Variants in NCKAP5 observed in about 807,000 individuals in gnomAD.
The protein encoded by NCKAP5 is nck-associated protein 5.
A neutral mutation model predicts 167.0 loss-of-function variants in NCKAP5; 92 were observed. The ratio of observed to expected loss-of-function variants is 0.55; its 90% CI spans 0.47 to 0.66. The LOEUF is 0.66. NCKAP5 is among the 30% of genes least tolerant of loss of function. The pLI is 0.00. For missense variants in NCKAP5, 2,378 were observed against 2,315.0 expected (o/e 1.03, Z -0.56); for synonymous variants, 891 against 877.4 (o/e 1.02, Z -0.27).
At chr2:133,086,202 G>A (rs181084177) in intron 6 of NCKAP5, among the ~76,000 whole-genome samples, 25 of 152,268 alleles carry the variant, frequency 1.6e-4, no homozygotes, top group Admixed American at 5.9e-4. Context: ...GGTGCTACCC[G>A]TGCTCTGGGA....
chr2:132,765,996 T>C (rs1351351466), intron 16 of NCKAP5, among the ~76,000 whole-genome samples: 5 of 151,938 alleles, frequency 3.3e-5, no homozygotes. Flanking sequence ...TCATGAGGAA[T>C]GTAGGCTGGG....
At chr2:132,758,289 C>T (rs1430626) in intron 16 of NCKAP5, among the ~76,000 whole-genome samples, 18,589 of 152,180 alleles carry the variant, frequency 0.12, 1,304 homozygotes, top group East Asian at 0.28. Flanking sequence ...CATTAAGTAC[C>T]TGTGACTGAG....
intron 3 of NCKAP5, among the ~76,000 whole-genome samples, chr2:133,511,267 C>G (rs904044848): frequency 1.2e-4 from 19 of 152,182 alleles, no homozygotes; most frequent in Admixed American, 1.3e-4. Context: ...TCTTTTGGGG[C>G]TCCCTCAAGA....
the NCKAP5 span, among the ~76,000 whole-genome samples, chr2:133,617,678 C>T: frequency 9.4e-4 from 141 of 150,664 alleles, no homozygotes; most frequent in Non-Finnish European, 1.2e-3. Context: ...GGAAGAACAT[C>T]CCATGCTCAT....
At chr2:132,792,816 A>G (rs1415342833) in intron 12 of NCKAP5, among the ~76,000 whole-genome samples, 7 of 151,976 alleles carry the variant, frequency 4.6e-5, no homozygotes, top group Admixed American at 1.3e-4. Context: ...AATTATACCT[A>G]TTTTTACAAC....
At chr2:133,056,891 A>AT (rs200903988) in intron 6 of NCKAP5, among the ~76,000 whole-genome samples, 1,660 of 151,698 alleles carry the variant, frequency 0.011, 20 homozygotes, top group African/African-American at 0.032. Flanking sequence ...TGCTTTGCAG[A>AT]TTTTTTTTTA....
intron 11 of NCKAP5, among the ~76,000 whole-genome samples, chr2:132,821,487 ACT>A (rs1184147530): frequency 6.6e-6 from 1 of 152,084 alleles, no homozygotes; most frequent in African/African-American, 2.4e-5. Flanking sequence ...GGTAAAGGAA[ACT>A]CTCAACTGAA....
chr2:133,157,378 T>C (rs1358650829), intron 5 of NCKAP5, among the ~76,000 whole-genome samples: 1 of 152,232 alleles, frequency 6.6e-6, no homozygotes, highest in Non-Finnish European at 1.5e-5. Flanking sequence ...TAGTACTTAC[T>C]GTGTTCCTAC....
the NCKAP5 span, among the ~76,000 whole-genome samples, chr2:133,636,354 G>C: frequency 6.6e-6 from 1 of 152,164 alleles, no homozygotes; most frequent in Admixed American, 6.6e-5. Flanking sequence ...ACAATGACTG[G>C]TCATGCAAAA....
chr2:133,634,307 C>G, the NCKAP5 span, among the ~76,000 whole-genome samples: 1 of 152,090 alleles, frequency 6.6e-6, no homozygotes, highest in Non-Finnish European at 1.5e-5. Context: ...TAACAAAGGG[C>G]TGTTTAACTC....
intron 3 of NCKAP5, chr2:133,434,043 A>G (rs1212020588): frequency 6.6e-6 from 1 of 152,194 alleles, no homozygotes; most frequent in Non-Finnish European, 1.5e-5. Flanking sequence ...CTTATACATG[A>G]TTTCCAGAAC....
chr2:132,948,950 A>C lies in NCKAP5; in HGVS notation c.579+14770T>G, dbSNP rs568754336. ...AAGAAAAATTCAAGTAAATTCAAAG[A>C]GGCCTGTGAACTTTTGGTACAGTAA... is the stretch of plus-strand genomic sequence containing the variant. On this transcript the variant is annotated intron_variant, in intron 8 of 19. Coordinates refer to ENST00000409261, the MANE Select transcript of NCKAP5 (RefSeq NM_207363.3). 3.3e-5 allele frequency among the ~76,000 whole-genome samples: 5 copies of C among 152,092 alleles called. No homozygotes were observed. In the East Asian group the frequency reaches 9.7e-4, roughly 29 times the overall value.
At chr2:133,356,129 G>GT (rs1279953507) in intron 3 of NCKAP5, among the ~76,000 whole-genome samples, 1 of 151,994 alleles carries the variant, frequency 6.6e-6, no homozygotes, top group African/African-American at 2.4e-5. Flanking sequence ...GTTTTGCCAT[G>GT]TTGCCCAGGC....
intron 5 of NCKAP5, among the ~76,000 whole-genome samples, chr2:133,187,149 G>C (rs537602733): frequency 1.1e-4 from 17 of 152,028 alleles, no homozygotes; most frequent in South Asian, 8.3e-4. Flanking sequence ...TTCATAAGTT[G>C]TGTCTCTATT....
At chr2:133,234,365 C>A (rs1475027332) in intron 4 of NCKAP5, among the ~76,000 whole-genome samples, 1 of 152,156 alleles carries the variant, frequency 6.6e-6, no homozygotes, top group East Asian at 1.9e-4. Context: ...ACATTTCTTT[C>A]CCAATAAAAC....
intron 4 of NCKAP5, among the ~76,000 whole-genome samples, chr2:133,240,513 C>T (rs2087641857): frequency 6.6e-6 from 1 of 152,276 alleles, no homozygotes; most frequent in Middle Eastern, 3.4e-3. Flanking sequence ...TGGCTGGCGT[C>T]CTGTACAGAC....
intron 5 of NCKAP5, among the ~76,000 whole-genome samples, chr2:133,203,497 A>ATGT (rs2085800213): frequency 6.6e-6 from 1 of 152,174 alleles, no homozygotes; most frequent in African/African-American, 2.4e-5. Context: ...TATGTAACAA[A>ATGT]CCTGCACATT....
chr2:133,665,323 C>CCTTTCA, the NCKAP5 span, among the ~76,000 whole-genome samples: 2 of 152,182 alleles, frequency 1.3e-5, no homozygotes, highest in Non-Finnish European at 2.9e-5. Flanking sequence ...CATAATTCTT[C>CCTTTCA]CTTTCACTTG....
At chr2:133,158,185 G>C (rs773735720) in intron 5 of NCKAP5, among the ~76,000 whole-genome samples, 9 of 152,118 alleles carry the variant, frequency 5.9e-5, no homozygotes, top group Non-Finnish European at 8.8e-5. Context: ...GTTTTCACTG[G>C]AATCTATTTG....
Sources: gnomAD v4.1 joint callset for allele counts (sites outside exome capture counted in the v4.1 genomes callset) on GRCh38, gnomAD v4.1.1 for gene constraint, MANE v1.5 for transcripts, NCBI Gene and HGNC (gene_info 2026-07-23, HGNC 2026-07-21) for gene names.